Variants in PKHD1 observed in about 807,000 individuals in gnomAD.
PKHD1 encodes PKHD1 ciliary IPT domain containing fibrocystin/polyductin.
In PKHD1, 291 loss-of-function variants were observed where a neutral mutation model predicts 412.0. The ratio of observed to expected loss-of-function variants is 0.71; its 90% CI spans 0.64 to 0.78. The LOEUF is 0.78. Ranked by LOEUF, PKHD1 falls within the 30% of genes least tolerant of loss-of-function variation. PKHD1 has a pLI of 0.00. For missense variants in PKHD1, 4,825 were observed against 4,950.7 expected (o/e 0.97, Z 0.76); for synonymous variants, 1,777 against 1,821.5 (o/e 0.98, Z 0.62).
chr6:51,744,214 A>G (rs924090871), intron 60 of PKHD1, among the ~76,000 whole-genome samples, 171 bp downstream of exon 60: 1 of 131,320 alleles, frequency 7.6e-6, no homozygotes, highest in Non-Finnish European at 1.7e-5. Context: ...AGATCACATA[A>G]TGACTCAGCA....
In PKHD1 at chr6:51,617,388, T is replaced by C. The variant is rs1443766370; in HGVS notation, c.*1693A>G. 1 of 151,994 alleles carries C rather than the reference T, an allele frequency of 6.6e-6. No individual in the cohort carries two copies. The highest frequency in any genetic ancestry group is 2.4e-5 in the African/African-American group (1 of 41,374). The allele number at this position is 151,994 out of a possible 1,614,324, so 9.4% of individuals were successfully genotyped here. ...CCTAAGTCATTCGAGTTTTTTTTTG[T>C]TTTTCGTTTTTAATTCTGTTGGTGC... On this transcript the variant is annotated 3_prime_UTR_variant, in exon 67 of 67. Coordinates refer to ENST00000371117, the MANE Select transcript of PKHD1 (RefSeq NM_138694.4).
intron 48 of PKHD1, among the ~76,000 whole-genome samples, chr6:51,866,629 G>A (rs1335938574): frequency 6.6e-6 from 1 of 152,062 alleles, no homozygotes; most frequent in Non-Finnish European, 1.5e-5. Context: ...GGAACACGCA[G>A]AAATAAATAT....
At chr6:52,068,598 T>C (rs1452356625) in intron 11 of PKHD1, among the ~76,000 whole-genome samples, 2 of 152,226 alleles carry the variant, frequency 1.3e-5, no homozygotes, top group Non-Finnish European at 2.9e-5. Context: ...ATGGGGCTAA[T>C]GTTAATCCAT....
intron 10 of PKHD1, among the ~76,000 whole-genome samples, 167 bp from the exon 11 acceptor site, chr6:52,069,694 G>T (rs1810310524): frequency 1.3e-5 from 2 of 152,124 alleles, no homozygotes; most frequent in South Asian, 4.1e-4. Flanking sequence ...ACAGGACAAA[G>T]TTGTTTTCTG....
At chr6:52,081,589 T>C (rs1243482286) in intron 4 of PKHD1, among the ~76,000 whole-genome samples, 1 of 151,926 alleles carries the variant, frequency 6.6e-6, no homozygotes, top group Non-Finnish European at 1.5e-5. Context: ...TTCGGGGTGA[T>C]GAATTGCACA....
rs756636119 is a variant in PKHD1, at chr6:51,697,332, C to T, written c.10157-37363G>A. 2.0e-5 allele frequency among the ~76,000 whole-genome samples: 3 copies of T among 152,308 alleles called. No individual in the cohort carries two copies. In the South Asian group the frequency reaches 6.2e-4, roughly 32 times the overall value. On this transcript the variant is annotated intron_variant, in intron 60 of 66. Transcript: ENST00000371117. ...TTAGATTAGCATTTATTTGCAATTA[C>T]TTTGATTACAATAATTGCAATCAAA...
intron 61 of PKHD1, among the ~76,000 whole-genome samples, chr6:51,650,930 G>A (rs2150374490): frequency 6.6e-6 from 1 of 152,128 alleles, no homozygotes; most frequent in Admixed American, 6.6e-5. Flanking sequence ...TCCTTCTGTG[G>A]GTTCCAGGTT....
chr6:52,077,735 T>C (rs538569197), intron 5 of PKHD1, among the ~76,000 whole-genome samples: 2 of 152,274 alleles, frequency 1.3e-5, no homozygotes, highest in South Asian at 2.1e-4. Context: ...TAGAAAATAG[T>C]TCACAGAAAA....
intron 29 of PKHD1, among the ~76,000 whole-genome samples, chr6:52,031,857 T>C (rs910249332): frequency 3.9e-5 from 6 of 152,236 alleles, no homozygotes; most frequent in African/African-American, 1.4e-4. Flanking sequence ...AAAGAATGCA[T>C]TGCATTGTAT....
chr6:51,809,063 T>G (rs1764281590), intron 52 of PKHD1, among the ~76,000 whole-genome samples: 1 of 152,082 alleles, frequency 6.6e-6, no homozygotes, highest in South Asian at 2.1e-4. Flanking sequence ...CAATTCAATA[T>G]CCCAAGAACT....
At chr6:51,722,096 G>T in intron 60 of PKHD1, 1 of 1,610,046 alleles carries the variant, frequency 6.2e-7, no homozygotes, top group South Asian at 1.1e-5. Context: ...TTTTCTTCTC[G>T]GCATGCTTTC....
intron 60 of PKHD1, among the ~76,000 whole-genome samples, chr6:51,733,490 T>TCA (rs1198063565): frequency 6.9e-6 from 1 of 144,522 alleles, no homozygotes; most frequent in Non-Finnish European, 1.5e-5. Context: ...TGAGCTGAGA[T>TCA]CACACCACTG....
At chr6:51,927,287 C>T (rs1265667210) in intron 37 of PKHD1, among the ~76,000 whole-genome samples, 1 of 152,084 alleles carries the variant, frequency 6.6e-6, no homozygotes, top group Non-Finnish European at 1.5e-5. Context: ...GACTTCTGCT[C>T]CTCTAGAACC....
At chr6:51,625,523 G>T (rs564815031) in intron 66 of PKHD1, among the ~76,000 whole-genome samples, 1 of 152,206 alleles carries the variant, frequency 6.6e-6, no homozygotes, top group South Asian at 2.1e-4. Flanking sequence ...TAACTTGTAT[G>T]TCCTAATAAA....
At chr6:51,972,981 C>T (rs914454184) in intron 35 of PKHD1, among the ~76,000 whole-genome samples, 1 of 152,092 alleles carries the variant, frequency 6.6e-6, no homozygotes, top group African/African-American at 2.4e-5. Flanking sequence ...GCCACTTTGA[C>T]ATGACAGAAA....
intron 8 of PKHD1, 57 bp downstream of exon 8, chr6:52,072,058 G>T: frequency 2.1e-6 from 2 of 943,658 alleles, no homozygotes; most frequent in Non-Finnish European, 3.5e-6. Flanking sequence ...TGTGTGTGTT[G>T]TATCCATGTG....
intron 49 of PKHD1, among the ~76,000 whole-genome samples, chr6:51,853,613 G>A (rs1772727545): frequency 6.6e-6 from 1 of 152,144 alleles, no homozygotes; most frequent in Admixed American, 6.5e-5. Flanking sequence ...TGGAGACCTT[G>A]TTCATTCCTT....
At chr6:51,975,313 T>G (rs1353205282) in intron 35 of PKHD1, among the ~76,000 whole-genome samples, 1 of 152,062 alleles carries the variant, frequency 6.6e-6, no homozygotes, top group Non-Finnish European at 1.5e-5. Context: ...AAAATTAAAC[T>G]CTTTTGTGTA....
intron 54 of PKHD1, among the ~76,000 whole-genome samples, chr6:51,773,462 C>G (rs1790485143): frequency 6.6e-6 from 1 of 151,550 alleles, no homozygotes; most frequent in Non-Finnish European, 1.5e-5. Context: ...TGACCATGAA[C>G]CTCACCAGAA....
Sources: gnomAD v4.1 joint callset for allele counts (sites outside exome capture counted in the v4.1 genomes callset) on GRCh38, gnomAD v4.1.1 for gene constraint, MANE v1.5 for transcripts, NCBI Gene and HGNC (gene_info 2026-07-23, HGNC 2026-07-21) for gene names.